MPP2: variants seen among roughly 807,000 people sequenced by gnomAD.
MPP2 encodes the protein MAGUK p55 scaffold protein 2, also known as MAGUK p55 subfamily member 2.
In MPP2, 42 loss-of-function variants were observed where a neutral mutation model predicts 58.5. That is an observed-to-expected ratio of 0.72 (90% CI 0.56 to 0.93). The LOEUF is 0.93. MPP2 is among the 40% of genes least tolerant of loss of function. The pLI is 0.00. For missense variants in MPP2, 632 were observed against 760.4 expected, an observed-to-expected ratio of 0.83 and a Z score of 1.99; for synonymous variants, 300 against 307.8, an observed-to-expected ratio of 0.97 and a Z score of 0.26.
intron 6 of MPP2, 95 bp from the exon 7 acceptor site, chr17:43,881,684 G>A (rs1369175376): frequency 4.1e-6 from 6 of 1,478,264 alleles, no homozygotes; most frequent in African/African-American, 1.4e-5. Context: ...CAGAGACTAA[G>A]GGGCAATGGA....
In MPP2 at chr17:43,883,034, C is replaced by G. The variant is rs934792461; in HGVS notation, c.322G>C (p.Asp108His). The G allele has an allele frequency of 6.2e-7, 1 of 1,613,556 alleles. No individual in the cohort carries two copies. Among genetic ancestry groups the G allele is most frequent in the Non-Finnish European group, 8.5e-7 (1 of 1,179,794 alleles). ...TCATAGGTCTTTGAGGCCACAGAGT[C>G]GTGCGTCTCCAGGAGGGACTGGGGG... Reference protein sequence around the residue: ...PHFQSLLETHDSVASKTYETP... With the variant: ...PHFQSLLETHHSVASKTYETP... The change falls in exon 5 of 13, where the codon GAC becomes CAC. Residue 108 changes from aspartate (D) to histidine (H), a missense_variant. By Grantham distance (81) the Asp-to-His change is moderately conservative (BLOSUM62 -1). Transcript: ENST00000269095.
intron 3 of MPP2, among the ~76,000 whole-genome samples, chr17:43,896,901 T>C (rs1186188120): frequency 6.6e-6 from 1 of 152,002 alleles, no homozygotes; most frequent in Non-Finnish European, 1.5e-5. Context: ...AACGCAGCCA[T>C]GGGCACCATC....
intron 3 of MPP2, among the ~76,000 whole-genome samples, chr17:43,886,915 G>A (rs2047392680): frequency 6.6e-6 from 1 of 152,010 alleles, no homozygotes; most frequent in Non-Finnish European, 1.5e-5. Flanking sequence ...GTCAGGTCTT[G>A]GTTTTTATTC....
chr17:43,879,511 G>T lies in MPP2; in HGVS notation c.1354-108C>A. 1 of 1,411,058 alleles carries T rather than the reference G, an allele frequency of 7.1e-7. No homozygotes were observed. The highest frequency in any genetic ancestry group is 9.8e-7 in the Non-Finnish European group (1 of 1,016,904). The allele number at this position is 1,411,058 out of a possible 1,614,324, so 87.4% of individuals were successfully genotyped here. The stretch of plus-strand genomic sequence containing the variant: ...TTGGGGTGAGCACTTGGGAGTGGAT[G>T]AGAAAAGGGTGCCCGGGGGTCTGGG... On this transcript the variant is annotated intron_variant, in intron 11 of 12. Coordinates refer to ENST00000269095, the MANE Select transcript of MPP2 (RefSeq NM_005374.5). This position sits in a 1 kb window ranked among gnomAD's most constrained non-coding sequence, Gnocchi z 4.1.
At chr17:43,886,858 A>G (rs978256526) in intron 3 of MPP2, among the ~76,000 whole-genome samples, 1 of 152,260 alleles carries the variant, frequency 6.6e-6, no homozygotes, top group Middle Eastern at 3.4e-3. Context: ...GACCATCTGT[A>G]TATCTTTTTC....
At position 43,880,785 on chromosome 17, in the gene MPP2, G is replaced by C. The variant is rs372853244; in HGVS notation, c.1056C>G (p.Thr352=). 1.2e-6 allele frequency: 2 copies of C among 1,613,774 alleles called. No homozygotes were observed. Among genetic ancestry groups the C allele is most frequent in the African/African-American group, 2.7e-5 (2 of 74,948 alleles). ...CGCCCTGAGCCCCAATCAGTACCAG[G>C]GTTTTCCGGCGGAACGGGGGCATGC... is the stretch of plus-strand genomic sequence containing the variant. ...VARMPPFRRK[T]LVLIGAQGVG... The change falls in exon 10 of 13, where the codon ACC becomes ACG. Residue 352 remains threonine (T), a synonymous_variant. Coordinates refer to ENST00000269095, the MANE Select transcript of MPP2 (RefSeq NM_005374.5). This position sits in a 1 kb window ranked among gnomAD's most constrained non-coding sequence, Gnocchi z 5.2.
chr17:43,888,696 G>A (rs564264678), intron 3 of MPP2, among the ~76,000 whole-genome samples: 32 of 152,198 alleles, frequency 2.1e-4, no homozygotes, highest in African/African-American at 7.2e-4. Flanking sequence ...CCGAGGAGAC[G>A]TGTGTGATCA....
intron 1 of MPP2, 188 bp downstream of exon 1, chr17:43,907,286 T>C: frequency 1.0e-6 from 1 of 985,268 alleles, no homozygotes; most frequent in African/African-American, 1.7e-5. Context: ...CGGGGCTTGG[T>C]TCTCCCAACC....
intron 2 of MPP2, chr17:43,900,329 G>T: frequency 1.2e-6 from 1 of 841,228 alleles, no homozygotes; most frequent in East Asian, 2.7e-5. Flanking sequence ...GGGAGTTGGT[G>T]CCCTCTGCCC....
chr17:43,887,892 T>A (rs1026347604), intron 3 of MPP2, among the ~76,000 whole-genome samples: 1 of 152,008 alleles, frequency 6.6e-6, no homozygotes, highest in African/African-American at 2.4e-5. Context: ...ATATACACAA[T>A]GAAACACTTG....
Position 43,898,270 on chromosome 17 carries a change from G to A in MPP2, c.142C>T (p.Leu48=). 6.2e-7 allele frequency: 1 copy of A among 1,613,848 alleles called. No homozygotes were observed. Among genetic ancestry groups the A allele is most frequent in the Non-Finnish European group, 8.5e-7 (1 of 1,179,732 alleles). Residue 48 remains leucine, a synonymous_variant, in exon 3 of 13, where the codon CTG becomes TTG. Transcript: ENST00000269095. ...GIMESPIVRS[L]AKAHERLEET... ...TCCCTGGAGCACTGTACCTTGGCCA[G>A]GGATCTTACTATGGGACTTTCCATA... is the stretch of plus-strand genomic sequence containing the variant.
intron 3 of MPP2, among the ~76,000 whole-genome samples, chr17:43,886,378 A>G (rs4417584): frequency 0.083 from 12,588 of 151,798 alleles, 1,644 homozygotes; most frequent in African/African-American, 0.28. Context: ...TCTGCCTCCC[A>G]GGTTGGGATT....
intron 2 of MPP2, among the ~76,000 whole-genome samples, chr17:43,898,984 G>A (rs1286947636): frequency 1.3e-5 from 2 of 151,936 alleles, no homozygotes; most frequent in Admixed American, 6.5e-5. Flanking sequence ...GGTGGCTCAC[G>A]CCTGTAATCC....
chr17:43,888,132 G>C (rs1193645766), intron 3 of MPP2, among the ~76,000 whole-genome samples: 2 of 152,180 alleles, frequency 1.3e-5, no homozygotes, highest in Non-Finnish European at 2.9e-5. Context: ...GTGAGGATTT[G>C]GTGAGATGGA....
intron 2 of MPP2, chr17:43,900,755 G>A: frequency 3.8e-6 from 2 of 528,212 alleles, no homozygotes; most frequent in Non-Finnish European, 4.9e-6. Flanking sequence ...AGAGCAGGCG[G>A]TAACCCGGGT....
chr17:43,879,900 C>A lies in MPP2; in HGVS notation c.1235G>T (p.Arg412Leu). 1.9e-6 allele frequency: 3 copies of A among 1,614,038 alleles called. No individual in the cohort carries two copies. The East Asian group carries it at 6.7e-5, about 36-fold the overall frequency. ...GCCATGCTCCAGGTAGCGCCCAGCACGGACGTCAGCCTCCATCTCCCCACG... is the reference window on the plus strand; with the variant it reads ...GCCATGCTCCAGGTAGCGCCCAGCAAGGACGTCAGCCTCCATCTCCCCACG... ...VSRGEMEADV[R>L]AGRYLEHGEY... Residue 412 changes from arginine to leucine, a missense_variant, in exon 11 of 13, where the codon CGT becomes CTT. Transcript: ENST00000269095. This position sits in a 1 kb window ranked among gnomAD's most constrained non-coding sequence, Gnocchi z 4.1.
chr17:43,893,042 G>A (rs1204452937), intron 3 of MPP2, among the ~76,000 whole-genome samples: 1 of 151,518 alleles, frequency 6.6e-6, no homozygotes, highest in Non-Finnish European at 1.5e-5. Context: ...ATGGACAAAT[G>A]AGTGAATGAC....
At chr17:43,895,199 G>A (rs1306052834) in intron 3 of MPP2, among the ~76,000 whole-genome samples, 1 of 151,450 alleles carries the variant, frequency 6.6e-6, no homozygotes, top group Non-Finnish European at 1.5e-5. Context: ...TTGTAGCCTC[G>A]ACCTACCCAG....
In MPP2 at chr17:43,877,830, C is replaced by G. The variant is rs1567870085; in HGVS notation, c.1636G>C (p.Val546Leu). 1 of 1,613,776 alleles carries G rather than the reference C, an allele frequency of 6.2e-7. No homozygotes were observed. Among genetic ancestry groups the G allele is most frequent in the East Asian group, 2.2e-5 (1 of 44,896 alleles). The change falls in exon 13 of 13, where the codon GTG (valine) becomes CTG (leucine). Residue 546 changes from valine to leucine, a missense_variant. Transcript: ENST00000269095. Reference sequence around the variant, plus strand: ...GCTCAGTACACCCAGCTGACAGGCACCCACTGGGGCTCTGTCCGTAGCTTC... The same window carrying G: ...GCTCAGTACACCCAGCTGACAGGCAGCCACTGGGGCTCTGTCCGTAGCTTC... ...MEKLRTEPQW[V>L]PVSWVY
Sources: gnomAD v4.1 joint callset for allele counts (sites outside exome capture counted in the v4.1 genomes callset) on GRCh38, gnomAD v4.1.1 for gene constraint, Gnocchi (gnomAD v3.1) non-coding constraint, MANE v1.5 for transcripts, NCBI Gene and HGNC (gene_info 2026-07-23, HGNC 2026-07-21) for gene names.